SEMA5B: variants seen among roughly 807,000 people sequenced by gnomAD.
SEMA5B encodes the protein semaphorin-5B.
SEMA5B carries 66 observed loss-of-function variants against 135.0 expected under a neutral mutation model. The ratio of observed to expected loss-of-function variants is 0.49; its 90% confidence interval spans 0.40 to 0.60. The LOEUF (loss-of-function observed/expected upper bound fraction) is 0.60. SEMA5B is among the 20% of genes least tolerant of loss of function. The pLI is 0.00. For synonymous variants in SEMA5B, 690 were observed against 639.5 expected (o/e 1.08, Z -1.19); for missense variants, 1,501 against 1,566.3 (o/e 0.96, Z 0.70).
intron 4 of SEMA5B, among the ~76,000 whole-genome samples, chr3:122,942,865 C>T (rs914308606): frequency 6.6e-6 from 1 of 152,212 alleles, no homozygotes; most frequent in Non-Finnish European, 1.5e-5. Context: ...CCTACCAGAG[C>T]CAATGTTCTG....
chr3:122,926,661 T>A lies in SEMA5B; in HGVS notation c.867A>T (p.Ala289=). ...SKWLNEPNFV[A]AYDIGLFAYF... is the part of the protein sequence containing the mutation. ...ATGCAAACAGCCCAATATCATAGGCTGCCACGAAGTTTGGCTCTGGGTGGG... is the reference window on the plus strand; with the variant it reads ...ATGCAAACAGCCCAATATCATAGGCAGCCACGAAGTTTGGCTCTGGGTGGG... The change falls in exon 9 of 23, where the codon GCA becomes GCT. Residue 289 remains alanine, a synonymous_variant. Coordinates refer to ENST00000357599, the MANE Select transcript of SEMA5B (RefSeq NM_001031702.4). 6.2e-7 allele frequency: 1 copy of A among 1,610,688 alleles called. No individual in the cohort carries two copies. Among genetic ancestry groups the A allele is most frequent in the Non-Finnish European group, 8.5e-7 (1 of 1,177,054 alleles).
chr3:122,931,769 GA>G (rs1938984759), intron 5 of SEMA5B, among the ~76,000 whole-genome samples: 1 of 152,184 alleles, frequency 6.6e-6, no homozygotes, highest in Admixed American at 6.6e-5. Context: ...CCATGCCATT[GA>G]CATCATCCTG....
intron 1 of SEMA5B, 58 bp from the exon 2 acceptor site, chr3:122,961,359 T>A: frequency 6.6e-7 from 1 of 1,522,502 alleles, no homozygotes; most frequent in Non-Finnish European, 9.0e-7. Context: ...GCAAAAGAGA[T>A]GAGGTCAGAT....
chr3:123,021,821 T>C (rs1331328662), intron 1 of SEMA5B, among the ~76,000 whole-genome samples: 1 of 152,244 alleles, frequency 6.6e-6, no homozygotes, highest in Non-Finnish European at 1.5e-5. Context: ...TATATGTATG[T>C]ATGTTTATAT....
At chr3:122,994,612 T>A (rs1353413366) in intron 1 of SEMA5B, among the ~76,000 whole-genome samples, 1 of 152,140 alleles carries the variant, frequency 6.6e-6, no homozygotes. Context: ...TGTGCCACCC[T>A]AGTCCTAAGG....
At chr3:122,915,346 CT>C in intron 14 of SEMA5B, 93 bp downstream of exon 14, 1 of 1,272,990 alleles carries the variant, frequency 7.9e-7, no homozygotes, top group Non-Finnish European at 1.1e-6. Context: ...GTTTCTGTCC[CT>C]TAGTGCAAAC....
chr3:122,971,580 A>G (rs1296288269), intron 1 of SEMA5B, among the ~76,000 whole-genome samples: 1 of 152,264 alleles, frequency 6.6e-6, no homozygotes, highest in Non-Finnish European at 1.5e-5. Context: ...GCCAGCAAGA[A>G]TAAGGTCTTA....
At chr3:123,014,898 G>A (rs555851776) in intron 1 of SEMA5B, among the ~76,000 whole-genome samples, 61 of 152,314 alleles carry the variant, frequency 4.0e-4, no homozygotes, top group African/African-American at 1.3e-3. Context: ...AAATAGGATT[G>A]TTGCAGATGT....
Position 123,010,328 on chromosome 3 carries a change from T to C in SEMA5B, c.-39+17136A>G, listed in dbSNP as rs1356801402. Among the ~76,000 whole-genome samples the C allele has an allele frequency of 5.3e-5, 8 of 152,324 alleles. No homozygotes were observed. In the East Asian group the frequency reaches 1.2e-3, roughly 22 times the overall value. On this transcript the variant is annotated intron_variant, in intron 1 of 22. Transcript: ENST00000357599. The stretch of plus-strand genomic sequence containing the variant: ...CTTGGTCATACCCTTTCTGGAGAAT[T>C]TCTTCACCTCTAAAATGGGTATAAC...
At chr3:122,943,050 C>G (rs564841696) in intron 4 of SEMA5B, among the ~76,000 whole-genome samples, 3 of 152,200 alleles carry the variant, frequency 2.0e-5, no homozygotes, top group Non-Finnish European at 4.4e-5. Flanking sequence ...AGGTGCAGGC[C>G]GCCGGCTGGC....
intron 10 of SEMA5B, 35 bp downstream of exon 10, chr3:122,923,582 G>A (rs201136091): frequency 6.2e-7 from 1 of 1,612,626 alleles, no homozygotes; most frequent in South Asian, 1.1e-5. Flanking sequence ...GTAAGGCAGT[G>A]TGTGAAGACA....
In SEMA5B at chr3:122,986,174, G is replaced by A. The variant is rs78918701; in HGVS notation, c.-38-24873C>T. Among the ~76,000 whole-genome samples, 638 of 152,282 alleles carry A rather than the reference G, an allele frequency of 4.2e-3. 7 individuals carry two copies. Among genetic ancestry groups the A allele is most frequent in the African/African-American group, 0.015 (607 of 41,558 alleles). On this transcript the variant is annotated intron_variant, in intron 1 of 22. Transcript: ENST00000357599. ...TCCTTTGTCTTACTCTAAGTGTGTTGTAGATGGATTCTTCTGTTCAAGCCT... is the reference window on the plus strand; with the variant it reads ...TCCTTTGTCTTACTCTAAGTGTGTTATAGATGGATTCTTCTGTTCAAGCCT...
Position 122,948,691 on chromosome 3 carries a change from G to A in SEMA5B, c.143C>T (p.Pro48Leu), listed in dbSNP as rs1939910766. The A allele has an allele frequency of 6.2e-7, 1 of 1,603,394 alleles. No individual in the cohort carries two copies. Among genetic ancestry groups the A allele is most frequent in the Non-Finnish European group, 8.5e-7 (1 of 1,172,330 alleles). ...SLVRGLLPCL[P>L]PGARTAEGPI... The stretch of plus-strand genomic sequence containing the variant: ...CCCCTCTGCAGTCCTAGCTCCGGGA[G>A]GCAGACAGGGGAGAAGACCTGCAAC... The change falls in exon 3 of 23, where the codon CCT becomes CTT. Residue 48 changes from proline (P) to leucine (L), a missense_variant. This residue lies in a region of SEMA5B where 574 missense variants were observed against 684.7 expected (regional missense o/e 0.84). Coordinates refer to ENST00000357599, the MANE Select transcript of SEMA5B (RefSeq NM_001031702.4).
intron 2 of SEMA5B, among the ~76,000 whole-genome samples, chr3:122,957,099 A>C (rs1940356479): frequency 6.6e-6 from 1 of 152,242 alleles, no homozygotes; most frequent in Non-Finnish European, 1.5e-5. Context: ...GCCAAATCAC[A>C]GTGAGACTTG....
chr3:122,946,109 T>A (rs1206084585), intron 3 of SEMA5B, among the ~76,000 whole-genome samples: 2 of 152,188 alleles, frequency 1.3e-5, no homozygotes, highest in Non-Finnish European at 2.9e-5. Context: ...AAAGACATTC[T>A]CCATGACACG....
chr3:123,026,041 G>T (rs956934803), intron 1 of SEMA5B, among the ~76,000 whole-genome samples: 5 of 152,212 alleles, frequency 3.3e-5, no homozygotes, highest in African/African-American at 1.2e-4. Context: ...AAGATGAGCT[G>T]AAGTGGGGAG....
intron 1 of SEMA5B, among the ~76,000 whole-genome samples, chr3:123,020,468 A>G (rs928544438): frequency 1.3e-5 from 2 of 152,262 alleles, no homozygotes; most frequent in African/African-American, 2.4e-5. Context: ...GAGCTCTCAC[A>G]ATCAGCTTAT....
At chr3:122,983,570 G>A (rs1941597506) in intron 1 of SEMA5B, among the ~76,000 whole-genome samples, 2 of 151,754 alleles carry the variant, frequency 1.3e-5, no homozygotes, top group African/African-American at 2.4e-5. Flanking sequence ...CTTGACTTGG[G>A]TGATGATGTA....
chr3:123,006,486 T>G (rs1385479667), intron 1 of SEMA5B, among the ~76,000 whole-genome samples: 1 of 152,178 alleles, frequency 6.6e-6, no homozygotes, highest in Non-Finnish European at 1.5e-5. Context: ...ACTGAACACA[T>G]TCAACCTTTA....
Sources: allele counts gnomAD v4.1 joint callset (sites outside exome capture counted in the v4.1 genomes callset), GRCh38; gene constraint gnomAD v4.1.1; regional missense constraint gnomAD v4.1.1; transcripts MANE v1.5; gene names NCBI Gene and HGNC (gene_info 2026-07-23, HGNC 2026-07-21).